The following BRINP3 variants were observed in gnomAD, a reference collection of about 807,000 sequenced individuals.
BRINP3 encodes the protein BMP/retinoic acid-inducible neural-specific protein 3.
A neutral mutation model predicts 71.0 loss-of-function variants in BRINP3; 19 were observed. That is an observed-to-expected ratio of 0.27 (90% CI 0.19 to 0.39). The LOEUF is 0.39. BRINP3 is among the 10% of genes least tolerant of loss of function. BRINP3 has a pLI of 1.00. For synonymous variants in BRINP3, 380 were observed against 337.7 expected, an observed-to-expected ratio of 1.13 and a Z score of -1.37; for missense variants, 959 against 940.8, an observed-to-expected ratio of 1.02 and a Z score of -0.25.
chr1:190,329,421 C>A (rs113653649), intron 2 of BRINP3, among the ~76,000 whole-genome samples: 1 of 151,716 alleles, frequency 6.6e-6, no homozygotes, highest in Non-Finnish European at 1.5e-5. Flanking sequence ...TAATACAATA[C>A]CATTTACAAT....
intron 5 of BRINP3, among the ~76,000 whole-genome samples, chr1:190,227,602 T>C (rs972773081): frequency 2.6e-5 from 4 of 151,572 alleles, no homozygotes; most frequent in African/African-American, 9.7e-5. Flanking sequence ...TAAACAATTA[T>C]ATTAAGTTCA....
chr1:190,318,487 C>T (rs1666030362), intron 2 of BRINP3, among the ~76,000 whole-genome samples: 1 of 152,020 alleles, frequency 6.6e-6, no homozygotes, highest in Non-Finnish European at 1.5e-5. Flanking sequence ...TGTTGGCAGC[C>T]CATATAACTC....
intron 2 of BRINP3, among the ~76,000 whole-genome samples, chr1:190,297,303 G>C (rs936474552): frequency 6.6e-6 from 1 of 151,644 alleles, no homozygotes; most frequent in African/African-American, 2.4e-5. Flanking sequence ...ACAGTGTTGA[G>C]AAAACTGGAT....
At chr1:190,100,832 A>T (rs756046654) in intron 7 of BRINP3, among the ~76,000 whole-genome samples, 19 of 152,182 alleles carry the variant, frequency 1.2e-4, no homozygotes, top group African/African-American at 4.3e-4. Context: ...TATTAGATTC[A>T]TGGTTTGAAT....
At chr1:190,462,016 G>A (rs933781219) in intron 1 of BRINP3, among the ~76,000 whole-genome samples, 4 of 152,046 alleles carry the variant, frequency 2.6e-5, no homozygotes, top group African/African-American at 9.7e-5. Flanking sequence ...CAGTTCAGGC[G>A]ATTCTCCTGC....
At chr1:190,198,530 T>C (rs900539439) in intron 6 of BRINP3, among the ~76,000 whole-genome samples, 2 of 152,254 alleles carry the variant, frequency 1.3e-5, no homozygotes, top group Admixed American at 1.3e-4. Context: ...ACCTCTTGAA[T>C]ACTGTGCTGT....
At chr1:190,251,965 A>G (rs1660188536) in intron 4 of BRINP3, among the ~76,000 whole-genome samples, 2 of 152,196 alleles carry the variant, frequency 1.3e-5, no homozygotes, top group African/African-American at 4.8e-5. Context: ...GATGATTTTG[A>G]AAACATTGAG....
At chr1:190,112,427 A>G (rs575443521) in intron 7 of BRINP3, among the ~76,000 whole-genome samples, 7 of 152,266 alleles carry the variant, frequency 4.6e-5, no homozygotes, top group East Asian at 1.9e-4. Flanking sequence ...ATCACTGAAT[A>G]TTTCTATGCA....
chr1:190,294,435 A>G (rs1178846470), intron 2 of BRINP3, among the ~76,000 whole-genome samples: 1 of 151,688 alleles, frequency 6.6e-6, no homozygotes, highest in Admixed American at 6.6e-5. Context: ...AATTTTTTGT[A>G]GAGATAGGGT....
At chr1:190,242,613 T>A (rs1659214989) in intron 4 of BRINP3, among the ~76,000 whole-genome samples, 1 of 152,106 alleles carries the variant, frequency 6.6e-6, no homozygotes, top group South Asian at 2.1e-4. Context: ...TAAACCAATT[T>A]TTTAAAAATA....
intron 6 of BRINP3, among the ~76,000 whole-genome samples, chr1:190,204,333 C>T (rs543033160): frequency 9.9e-5 from 15 of 151,202 alleles, no homozygotes; most frequent in Admixed American, 4.0e-4. Flanking sequence ...GATAGAAAAA[C>T]GCAGAAATAT....
At position 190,396,932 on chromosome 1, in the gene BRINP3, C is replaced by T. The variant is rs79230173; in HGVS notation, c.236+57723G>A. On this transcript the variant is annotated intron_variant, in intron 2 of 7. Transcript: ENST00000367462. ...TACATACATCTCCCAACTCAGTATG[C>T]ATAAAGCTTCACATTTCTCCATTTT... is the stretch of plus-strand genomic sequence containing the variant. Among the ~76,000 whole-genome samples the T allele has an allele frequency of 2.2e-3, 332 of 151,516 alleles. 3 individuals carry two copies. Among genetic ancestry groups the T allele is most frequent in the African/African-American group, 7.5e-3 (311 of 41,332 alleles).
intron 6 of BRINP3, among the ~76,000 whole-genome samples, chr1:190,161,163 G>A (rs1186880475): frequency 2.0e-5 from 3 of 151,966 alleles, no homozygotes; most frequent in African/African-American, 7.2e-5. Flanking sequence ...AGTTGAAGCA[G>A]AAAGTTTAAG....
intron 7 of BRINP3, among the ~76,000 whole-genome samples, chr1:190,137,845 A>G (rs1655103986): frequency 6.6e-6 from 1 of 152,204 alleles, no homozygotes; most frequent in Non-Finnish European, 1.5e-5. Flanking sequence ...AAATTATTTT[A>G]GATACTTTAC....
chr1:190,463,578 G>A (rs891431942), intron 1 of BRINP3, among the ~76,000 whole-genome samples: 7 of 151,602 alleles, frequency 4.6e-5, no homozygotes, highest in African/African-American at 7.2e-5. Flanking sequence ...AAATAAATAA[G>A]GTAATACATT....
intron 3 of BRINP3, among the ~76,000 whole-genome samples, chr1:190,277,287 T>C (rs1242305437): frequency 1.3e-5 from 2 of 150,618 alleles, no homozygotes; most frequent in Non-Finnish European, 3.0e-5. Context: ...CACCTCTTAC[T>C]CTTCCTCCTT....
intron 7 of BRINP3, among the ~76,000 whole-genome samples, chr1:190,119,420 C>T (rs1653439634): frequency 6.6e-6 from 1 of 151,984 alleles, no homozygotes; most frequent in Admixed American, 6.6e-5. Context: ...GGATTACAGG[C>T]ACATGCCACC....
chr1:190,364,070 A>G (rs1240822298), intron 2 of BRINP3, among the ~76,000 whole-genome samples: 7 of 152,186 alleles, frequency 4.6e-5, no homozygotes, highest in African/African-American at 1.4e-4. Flanking sequence ...TAGAAAAAAA[A>G]AAGTAGTATC....
intron 7 of BRINP3, among the ~76,000 whole-genome samples, chr1:190,137,708 G>T (rs976132912): frequency 6.6e-6 from 1 of 152,138 alleles, no homozygotes; most frequent in Non-Finnish European, 1.5e-5. Context: ...GATGGAAGAA[G>T]ATAGTAATAT....
Sources: gnomAD v4.1 joint callset for allele counts (sites outside exome capture counted in the v4.1 genomes callset) on GRCh38, gnomAD v4.1.1 for gene constraint, MANE v1.5 for transcripts, NCBI Gene and HGNC (gene_info 2026-07-23, HGNC 2026-07-21) for gene names.